The following FBXL2 variants were observed in gnomAD, a reference collection of about 807,000 sequenced individuals.
FBXL2 encodes the protein F-box/LRR-repeat protein 2.
Under a neutral mutation model 69.2 loss-of-function variants are expected in FBXL2, and 38 were observed. The observed-to-expected ratio is 0.55, with a 90% confidence interval of 0.42 to 0.72. FBXL2 has a LOEUF of 0.72. Ranked by LOEUF, FBXL2 falls within the 30% of genes least tolerant of loss-of-function variation. The pLI is 0.00. For missense variants in FBXL2, 354 were observed against 520.3 expected, an observed-to-expected ratio of 0.68 and a Z score of 3.11; for synonymous variants, 192 against 201.3, an observed-to-expected ratio of 0.95 and a Z score of 0.39.
chr3:33,363,320 C>T (rs1389348838), intron 4 of FBXL2, among the ~76,000 whole-genome samples: 6 of 152,186 alleles, frequency 3.9e-5, no homozygotes, highest in Non-Finnish European at 7.3e-5. Flanking sequence ...GGATTACAGG[C>T]GTGAGCCACT....
intron 2 of FBXL2, among the ~76,000 whole-genome samples, chr3:33,333,532 T>C (rs1242591016): frequency 6.6e-6 from 1 of 152,200 alleles, no homozygotes; most frequent in Non-Finnish European, 1.5e-5. Flanking sequence ...AGTTTTAAAA[T>C]CATACTTGTT....
intron 1 of FBXL2, among the ~76,000 whole-genome samples, chr3:33,287,331 G>T (rs2034744778): frequency 6.6e-6 from 1 of 152,010 alleles, no homozygotes. Flanking sequence ...CTGTACTATT[G>T]TGTGGTAGGG....
intron 2 of FBXL2, among the ~76,000 whole-genome samples, chr3:33,320,837 A>G (rs1025346230): frequency 2.0e-5 from 3 of 152,150 alleles, no homozygotes; most frequent in Non-Finnish European, 4.4e-5. Context: ...AAAGATTGTT[A>G]TATATTACTA....
At chr3:33,306,052 A>T (rs1309399850) in intron 2 of FBXL2, among the ~76,000 whole-genome samples, 1 of 151,430 alleles carries the variant, frequency 6.6e-6, no homozygotes, top group African/African-American at 2.4e-5. Context: ...CTCTGTAAAA[A>T]TTTTTTCTTT....
chr3:33,381,374 G>A (rs768587388), intron 13 of FBXL2, among the ~76,000 whole-genome samples: 5 of 152,200 alleles, frequency 3.3e-5, no homozygotes, highest in Non-Finnish European at 5.9e-5. Flanking sequence ...GCTGGGCACG[G>A]TGGCTCACGC....
chr3:33,382,526 G>A (rs1421496931), intron 13 of FBXL2: 1 of 152,174 alleles, frequency 6.6e-6, no homozygotes, highest in Admixed American at 6.5e-5. Context: ...ATTGTTACAT[G>A]TAGTTGTATA....
chr3:33,335,681 T>C lies in FBXL2; in HGVS notation c.66-23286T>C, dbSNP rs1397083332. 3.9e-5 allele frequency among the ~76,000 whole-genome samples: 6 copies of C among 152,146 alleles called. No homozygotes were observed. The East Asian group carries it at 1.2e-3, about 29-fold the overall frequency. On this transcript the variant is annotated intron_variant, in intron 2 of 14. Coordinates refer to ENST00000484457, the MANE Select transcript of FBXL2 (RefSeq NM_012157.5). ...AACAACCATAAAATATGCATAAATATTTAATTATTTCAAAAGAGGTCTGAA... is the reference window on the plus strand; with the variant it reads ...AACAACCATAAAATATGCATAAATACTTAATTATTTCAAAAGAGGTCTGAA...
chr3:33,408,880 C>T, the FBXL2 span: 1 of 1,221,398 alleles, frequency 8.2e-7, no homozygotes, highest in East Asian at 2.3e-5. Context: ...TCTCTTCAGT[C>T]CAATTAAACA....
chr3:33,341,075 C>G (rs2039983497), intron 2 of FBXL2, among the ~76,000 whole-genome samples: 1 of 152,070 alleles, frequency 6.6e-6, no homozygotes, highest in African/African-American at 2.4e-5. Flanking sequence ...ATTAATAGAT[C>G]TAGTCACTGA....
intron 12 of FBXL2, chr3:33,398,365 A>AG (rs2044089787): frequency 6.6e-6 from 1 of 152,206 alleles, no homozygotes; most frequent in Non-Finnish European, 1.5e-5. Flanking sequence ...GAGTCATTTT[A>AG]TAGAGTCAGG....
chr3:33,358,917 C>A, intron 2 of FBXL2, 50 bp from the exon 3 acceptor site: 1 of 1,184,380 alleles, frequency 8.4e-7, no homozygotes, highest in Non-Finnish European at 1.2e-6. Context: ...TATAATTATC[C>A]TGAAATGTTA....
chr3:33,353,977 A>G (rs768720318), intron 2 of FBXL2, among the ~76,000 whole-genome samples: 19 of 152,218 alleles, frequency 1.2e-4, no homozygotes, highest in Non-Finnish European at 2.2e-4. Context: ...AAACTATTCT[A>G]TGTGATACTG....
downstream of FBXL2, among the ~76,000 whole-genome samples, chr3:33,404,792 A>T (rs887971632): frequency 3.3e-5 from 5 of 152,232 alleles, no homozygotes; most frequent in African/African-American, 1.2e-4. Context: ...AGTAGATCAC[A>T]TAAAAATGTC....
intron 2 of FBXL2, among the ~76,000 whole-genome samples, chr3:33,355,158 G>A (rs1008044533): frequency 6.6e-6 from 1 of 152,068 alleles, no homozygotes; most frequent in Non-Finnish European, 1.5e-5. Flanking sequence ...TCGAATTCCT[G>A]GGCTTGGGTG....
chr3:33,342,850 G>A (rs1324387909), intron 2 of FBXL2, among the ~76,000 whole-genome samples: 1 of 142,452 alleles, frequency 7.0e-6, no homozygotes, highest in African/African-American at 2.6e-5. Flanking sequence ...AGCCTCCCGA[G>A]TAGCGTAGCT....
chr3:33,286,098 G>A (rs1330381975), intron 1 of FBXL2, among the ~76,000 whole-genome samples: 1 of 152,208 alleles, frequency 6.6e-6, no homozygotes, highest in Non-Finnish European at 1.5e-5. Flanking sequence ...TGTTCCTTTG[G>A]AGGAGAAGAG....
At chr3:33,333,819 A>T (rs1559557086) in intron 2 of FBXL2, among the ~76,000 whole-genome samples, 2 of 152,196 alleles carry the variant, frequency 1.3e-5, no homozygotes, top group African/African-American at 4.8e-5. Flanking sequence ...AGTTCTTCAC[A>T]TTCTCGCAGA....
chr3:33,396,475 T>C (rs146291548), intron 12 of FBXL2: 1 of 510,348 alleles, frequency 2.0e-6, no homozygotes, highest in African/African-American at 1.9e-5. Context: ...TGGTCTAATA[T>C]GATGATCCAG....
At chr3:33,294,316 T>C (rs755600156) in intron 1 of FBXL2, among the ~76,000 whole-genome samples, 2 of 151,980 alleles carry the variant, frequency 1.3e-5, no homozygotes, top group Non-Finnish European at 2.9e-5. Flanking sequence ...AGGCTAGCCT[T>C]GAACTCCTGG....
Sources: allele counts gnomAD v4.1 joint callset (sites outside exome capture counted in the v4.1 genomes callset), GRCh38; gene constraint gnomAD v4.1.1; transcripts MANE v1.5; gene names NCBI Gene and HGNC (gene_info 2026-07-23, HGNC 2026-07-21).